The following ERG variants were observed in gnomAD, a reference collection of about 807,000 sequenced individuals.
The protein encoded by ERG is transcriptional regulator ERG.
ERG carries 9 observed loss-of-function variants against 55.3 expected under a neutral mutation model. The observed-to-expected ratio is 0.16, with a 90% confidence interval of 0.10 to 0.28. The LOEUF (loss-of-function observed/expected upper bound fraction) is 0.28. Among genes scored for constraint, ERG ranks in the 10% least tolerant of loss-of-function variants. The probability of loss-of-function intolerance (pLI) is 1.00; values close to 1 mark genes in which losing one functional copy is unlikely to be tolerated. For synonymous variants in ERG, 223 were observed against 237.3 expected, an observed-to-expected ratio of 0.94 and a Z score of 0.55; for missense variants, 434 against 631.6, an observed-to-expected ratio of 0.69 and a Z score of 3.35.
At chr21:38,446,347 C>T (rs562977146) in intron 1 of ERG, among the ~76,000 whole-genome samples, 2 of 149,840 alleles carry the variant, frequency 1.3e-5, no homozygotes, top group African/African-American at 4.9e-5. Context: ...CAATTAATAT[C>T]TTCGCTCTTT....
intron 1 of ERG, among the ~76,000 whole-genome samples, chr21:38,583,970 C>T (rs552046800): frequency 6.6e-6 from 1 of 152,328 alleles, no homozygotes; most frequent in South Asian, 2.1e-4. Flanking sequence ...AAGGAAATCA[C>T]CTCTATGGAG....
intron 1 of ERG, among the ~76,000 whole-genome samples, chr21:38,645,354 T>A (rs1158699248): frequency 1.3e-5 from 2 of 152,210 alleles, no homozygotes; most frequent in African/African-American, 4.8e-5. Flanking sequence ...AGGTTTCATA[T>A]ACATAAGAGT....
chr21:38,540,363 C>T (rs1021959595), intron 2 of ERG, among the ~76,000 whole-genome samples: 7 of 152,172 alleles, frequency 4.6e-5, no homozygotes, highest in Non-Finnish European at 7.4e-5. Flanking sequence ...AAGGAAACCA[C>T]GTGCTCAGAA....
chr21:38,406,548 A>C (rs565670764), intron 3 of ERG, among the ~76,000 whole-genome samples: 2 of 152,286 alleles, frequency 1.3e-5, no homozygotes, highest in East Asian at 3.9e-4. Context: ...TCACAGAGAG[A>C]AGACCCCCCA....
intron 1 of ERG, among the ~76,000 whole-genome samples, chr21:38,616,971 T>A (rs1359817008): frequency 1.3e-5 from 2 of 152,210 alleles, no homozygotes; most frequent in African/African-American, 4.8e-5. Flanking sequence ...TACCTACAAT[T>A]AATCTATGCA....
chr21:38,586,408 T>C (rs1256409426), upstream of ERG, among the ~76,000 whole-genome samples: 2 of 152,074 alleles, frequency 1.3e-5, no homozygotes, highest in Non-Finnish European at 1.5e-5. Context: ...CACAGATCTC[T>C]TGAAATTACT....
chr21:38,601,649 A>T (rs943009309), intron 1 of ERG, among the ~76,000 whole-genome samples: 3 of 152,130 alleles, frequency 2.0e-5, no homozygotes, highest in African/African-American at 7.2e-5. Context: ...GGCACCCATG[A>T]GTGTTACACT....
intron 1 of ERG, among the ~76,000 whole-genome samples, chr21:38,614,711 A>C (rs2060248703): frequency 6.6e-6 from 1 of 152,226 alleles, no homozygotes; most frequent in Non-Finnish European, 1.5e-5. Context: ...GTCTCTCCTT[A>C]GGCAAGACAA....
In ERG at chr21:38,380,901, G is replaced by A; in HGVS notation, c.*2502C>T. 5.6e-6 allele frequency: 6 copies of A among 1,065,236 alleles called. No individual in the cohort carries two copies. The highest frequency in any genetic ancestry group is 6.8e-6 in the Non-Finnish European group (6 of 879,204). The allele number at this position is 1,065,236 out of a possible 1,614,324, so 66.0% of individuals were successfully genotyped here. A position where few individuals can be genotyped will look rare whatever the true frequency, so the allele number is the denominator to read the frequency against. ...GTAAATGTGTATTTCTATGAAGAAT[G>A]TAGGTGTGTCTTGACTTTGCATTCC... On this transcript the variant is annotated 3_prime_UTR_variant, in exon 10 of 10. Coordinates refer to ENST00000288319, the MANE Select transcript of ERG (RefSeq NM_182918.4).
chr21:38,415,777 C>G (rs760039003), intron 3 of ERG, among the ~76,000 whole-genome samples: 12 of 152,128 alleles, frequency 7.9e-5, no homozygotes, highest in Non-Finnish European at 1.6e-4. Context: ...CACCAAGAAT[C>G]CTGCAACCCC....
intron 2 of ERG, among the ~76,000 whole-genome samples, chr21:38,531,718 C>T (rs1455857721): frequency 6.6e-6 from 1 of 152,162 alleles, no homozygotes; most frequent in African/African-American, 2.4e-5. Context: ...TTTAAAAAAT[C>T]ATGGCACAGG....
At chr21:38,481,659 T>C (rs922294667) in intron 1 of ERG, among the ~76,000 whole-genome samples, 1 of 152,230 alleles carries the variant, frequency 6.6e-6, no homozygotes, top group Non-Finnish European at 1.5e-5. Context: ...ATTGAAAATG[T>C]TATGCTATCT....
intron 1 of ERG, among the ~76,000 whole-genome samples, chr21:38,480,020 G>A (rs1220614427): frequency 6.6e-6 from 1 of 152,090 alleles, no homozygotes; most frequent in Non-Finnish European, 1.5e-5. Flanking sequence ...CTGAATAAAA[G>A]AAGGGCTACC....
intron 2 of ERG, among the ~76,000 whole-genome samples, chr21:38,513,138 A>AT (rs71330331): frequency 0.2 from 29,779 of 151,676 alleles, 3,152 homozygotes; most frequent in East Asian, 0.46. Context: ...TCAAAAAAAA[A>AT]AATAATAATA....
At chr21:38,560,156 G>A (rs891549531) in intron 2 of ERG, among the ~76,000 whole-genome samples, 1 of 152,168 alleles carries the variant, frequency 6.6e-6, no homozygotes, top group African/African-American at 2.4e-5. Context: ...AAGTAGTCTT[G>A]CAAAAGGGAA....
chr21:38,375,882 T>G (rs1320474611), downstream of ERG, among the ~76,000 whole-genome samples: 3 of 152,176 alleles, frequency 2.0e-5, no homozygotes, highest in Non-Finnish European at 4.4e-5. Context: ...CCAACACAAC[T>G]GGACATCACA....
At chr21:38,488,516 AG>A (rs145845777) in intron 1 of ERG, among the ~76,000 whole-genome samples, 1,957 of 152,176 alleles carry the variant, frequency 0.013, 45 homozygotes, top group African/African-American at 0.045. Flanking sequence ...CCTATTGTTT[AG>A]TGTGTGTGCA....
chr21:38,474,903 T>C (rs2059173718), intron 1 of ERG, among the ~76,000 whole-genome samples: 1 of 152,116 alleles, frequency 6.6e-6, no homozygotes, highest in African/African-American at 2.4e-5. Flanking sequence ...CCTGATAACA[T>C]CTAACATTTA....
At chr21:38,425,608 A>G (rs1989782635) in intron 2 of ERG, among the ~76,000 whole-genome samples, 1 of 152,200 alleles carries the variant, frequency 6.6e-6, no homozygotes, top group African/African-American at 2.4e-5. Context: ...GGCTCTATCC[A>G]ATGCATACAT....
Sources: gnomAD v4.1 joint callset for allele counts (sites outside exome capture counted in the v4.1 genomes callset) on GRCh38, gnomAD v4.1.1 for gene constraint, MANE v1.5 for transcripts, NCBI Gene and HGNC (gene_info 2026-07-23, HGNC 2026-07-21) for gene names.